Variants in WDR25 observed in about 807,000 individuals in gnomAD.
WDR25 encodes WD repeat-containing protein 25.
Under a neutral mutation model 47.7 loss-of-function variants are expected in WDR25, and 35 were observed. That is an observed-to-expected ratio of 0.73 (90% CI 0.56 to 0.97). The LOEUF (loss-of-function observed/expected upper bound fraction) is 0.97. WDR25 is among the 50% of genes least tolerant of loss of function. WDR25 has a pLI of 0.00. For missense variants in WDR25, 634 were observed against 704.7 expected (o/e 0.90, Z 1.14); for synonymous variants, 248 against 278.9 (o/e 0.89, Z 1.10).
chr14:100,398,860 T>G (rs1897315709), intron 2 of WDR25, among the ~76,000 whole-genome samples: 1 of 151,142 alleles, frequency 6.6e-6, no homozygotes, highest in Non-Finnish European at 1.5e-5. Context: ...CTGCACATCC[T>G]GGCTGATGTC....
rs1173336403 is a variant in WDR25, at chr14:100,529,536, G to T, written c.1414-284G>T. ...TCCTCACTGAGGCCAAGCCTTGCTGGGGTGGAAGGGGCTGGGTGCTTAGTG... is the reference window on the plus strand; with the variant it reads ...TCCTCACTGAGGCCAAGCCTTGCTGTGGTGGAAGGGGCTGGGTGCTTAGTG... On this transcript the variant is annotated intron_variant, in intron 6 of 6. Coordinates refer to ENST00000402312, the MANE Select transcript of WDR25 (RefSeq NM_001161476.3). This position sits in a 1 kb window ranked among gnomAD's most constrained non-coding sequence, Gnocchi z 5.1. 1 of 590,136 alleles carries T rather than the reference G, an allele frequency of 1.7e-6. No homozygotes were observed. Among genetic ancestry groups the T allele is most frequent in the Non-Finnish European group, 3.0e-6 (1 of 333,164 alleles). 36.6% of individuals were successfully genotyped at this position (590,136 alleles called of 1,614,324 possible). A position where few individuals can be genotyped will look rare whatever the true frequency, so the allele number is the denominator to read the frequency against.
In WDR25 at chr14:100,444,403, A is replaced by G. The variant is rs1467526657; in HGVS notation, c.823-23618A>G. On this transcript the variant is annotated intron_variant, in intron 2 of 6. Transcript: ENST00000402312. Reference sequence around the variant, plus strand: ...TGCTGCAGGGAACCGCAGGATGGACATCTCTAAAGCATATAGTGAAGGGTA... The same window carrying G: ...TGCTGCAGGGAACCGCAGGATGGACGTCTCTAAAGCATATAGTGAAGGGTA... Among the ~76,000 whole-genome samples, 6 of 152,334 alleles carry G rather than the reference A, an allele frequency of 3.9e-5. No homozygotes were observed. In the South Asian group the frequency reaches 1.2e-3, roughly 32 times the overall value.
In WDR25 at chr14:100,500,431, C is replaced by T. The variant is rs1900881418; in HGVS notation, c.1101+16307C>T. Among the ~76,000 whole-genome samples the T allele has an allele frequency of 6.6e-6, 1 of 152,108 alleles. No homozygotes were observed. Among genetic ancestry groups the T allele is most frequent in the African/African-American group, 2.4e-5 (1 of 41,426 alleles). ...GTGGAGAAGGAGGGGTGGGGATGGTCAGATGGAGGCATGCCGGGCACGGGG... is the reference window on the plus strand; with the variant it reads ...GTGGAGAAGGAGGGGTGGGGATGGTTAGATGGAGGCATGCCGGGCACGGGG... On this transcript the variant is annotated intron_variant, in intron 4 of 6. Transcript: ENST00000402312. The surrounding 1 kb of genome is among the most constrained non-coding windows in gnomAD (Gnocchi z 4.7).
chr14:100,393,081 G>A (rs1897179693), intron 2 of WDR25, among the ~76,000 whole-genome samples: 1 of 152,248 alleles, frequency 6.6e-6, no homozygotes, highest in African/African-American at 2.4e-5. Context: ...CCTTATCTAA[G>A]TGAATGTGAT....
rs139730965 is a variant in WDR25 at position 100,468,099 on chromosome 14, G to T, written c.901G>T (p.Ala301Ser). ...AGAGGCAGTGCGGGCCGCCCGGTGG[G>T]CTCCCTGTGGCCGGCGCATCCTCAG... ...HTEAVRAARW[A>S]PCGRRILSGG... The change falls in exon 3 of 7, where the codon GCT (alanine) becomes TCT (serine). Residue 301 changes from alanine (A) to serine (S), a missense_variant. Coordinates refer to ENST00000402312, the MANE Select transcript of WDR25 (RefSeq NM_001161476.3). The surrounding 1 kb of genome is among the most constrained non-coding windows in gnomAD (Gnocchi z 4.5). The T allele has an allele frequency of 1.2e-6, 2 of 1,613,416 alleles. No homozygotes were observed. Among genetic ancestry groups the T allele is most frequent in the East Asian group, 4.5e-5 (2 of 44,878 alleles).
chr14:100,508,972 C>G (rs539524149), intron 4 of WDR25, among the ~76,000 whole-genome samples: 175 of 152,098 alleles, frequency 1.2e-3, no homozygotes, highest in Admixed American at 3.5e-3. Context: ...GAGTTTAATT[C>G]AAGTTGCTAA....
chr14:100,390,391 C>CTGTGTGTGTGTGTG lies in WDR25; in HGVS notation c.822+8668_822+8681dup, dbSNP rs55802109. Among the ~76,000 whole-genome samples, 1,459 of 146,684 alleles carry CTGTGTGTGTGTGTG rather than the reference C, an allele frequency of 9.9e-3. 8 individuals are homozygous for CTGTGTGTGTGTGTG. Among genetic ancestry groups the CTGTGTGTGTGTGTG allele is most frequent in the Middle Eastern group, 0.021 (6 of 290 alleles). ...CCTAAAAAGCTGACCTGACCAAAAG[C>CTGTGTGTGTGTGTG]TGTGTGTGTGTGTGTGTGTGTGTGT... On this transcript the variant is annotated intron_variant, in intron 2 of 6. Transcript: ENST00000402312.
chr14:100,429,349 A>C (rs1898261010), intron 2 of WDR25, among the ~76,000 whole-genome samples: 1 of 152,226 alleles, frequency 6.6e-6, no homozygotes, highest in Non-Finnish European at 1.5e-5. Context: ...ACCTATAAGC[A>C]GGCATGCAGG....
At chr14:100,448,276 G>T (rs1898906903) in intron 2 of WDR25, among the ~76,000 whole-genome samples, 1 of 151,902 alleles carries the variant, frequency 6.6e-6, no homozygotes, top group South Asian at 2.1e-4. Context: ...TGTACATTCA[G>T]TAGGATCTCA....
chr14:100,467,018 T>C (rs34617498), intron 2 of WDR25, among the ~76,000 whole-genome samples: 87 of 152,254 alleles, frequency 5.7e-4, no homozygotes, highest in Non-Finnish European at 1.1e-3. Context: ...TTATACTTGA[T>C]ATCTTAGATC....
intron 2 of WDR25, among the ~76,000 whole-genome samples, chr14:100,419,064 C>A (rs534618737): frequency 4.0e-4 from 61 of 151,352 alleles, no homozygotes; most frequent in African/African-American, 1.4e-3. Flanking sequence ...ACTAAAAATA[C>A]AAAAAAAATT....
At chr14:100,447,612 A>C (rs953318744) in intron 2 of WDR25, among the ~76,000 whole-genome samples, 10 of 152,298 alleles carry the variant, frequency 6.6e-5, no homozygotes, top group African/African-American at 2.4e-4. Context: ...GTTTGGTGGC[A>C]CCAGACATGG....
intron 2 of WDR25, among the ~76,000 whole-genome samples, chr14:100,419,497 T>C (rs1013065548): frequency 4.6e-5 from 7 of 152,222 alleles, no homozygotes; most frequent in Admixed American, 1.3e-4. Flanking sequence ...GCATCTTTTC[T>C]TGTTGAGATG....
At position 100,506,239 on chromosome 14, in the gene WDR25, A is replaced by G. The variant is rs1409599699; in HGVS notation, c.1102-19631A>G. Among the ~76,000 whole-genome samples the G allele has an allele frequency of 2.6e-5, 4 of 152,214 alleles. No homozygotes were observed. Among genetic ancestry groups the G allele is most frequent in the Non-Finnish European group, 5.9e-5 (4 of 68,036 alleles). On this transcript the variant is annotated intron_variant, in intron 4 of 6. Coordinates refer to ENST00000402312, the MANE Select transcript of WDR25 (RefSeq NM_001161476.3). The surrounding 1 kb of genome is among the most constrained non-coding windows in gnomAD (Gnocchi z 4.8). Reference sequence around the variant, plus strand: ...CTTCATCCGTGTTGCTGCAAAGGACATGATTTCATCCTTTTTTATGGCTGC... The same window carrying G: ...CTTCATCCGTGTTGCTGCAAAGGACGTGATTTCATCCTTTTTTATGGCTGC...
rs961131698 is a variant in WDR25, at chr14:100,525,485, C to T, written c.1102-385C>T. Among the ~76,000 whole-genome samples the T allele has an allele frequency of 2.4e-4, 37 of 152,314 alleles. No individual in the cohort carries two copies. Among genetic ancestry groups the T allele is most frequent in the African/African-American group, 8.4e-4 (35 of 41,562 alleles). On this transcript the variant is annotated intron_variant, in intron 4 of 6. Coordinates refer to ENST00000402312, the MANE Select transcript of WDR25 (RefSeq NM_001161476.3). The surrounding 1 kb of genome is among the most constrained non-coding windows in gnomAD (Gnocchi z 4.6). ...ACTTTGCAAGCTGTGAATTATGTGA[C>T]GTCTTCAGAAGCAGGACCCACTCAA...
chr14:100,415,384 G>A (rs1392032660), intron 2 of WDR25, among the ~76,000 whole-genome samples: 2 of 152,248 alleles, frequency 1.3e-5, no homozygotes, highest in South Asian at 2.1e-4. Context: ...CATGCTGGTC[G>A]TATGTGCACA....
intron 2 of WDR25, among the ~76,000 whole-genome samples, chr14:100,433,886 A>T (rs1275864306): frequency 6.6e-6 from 1 of 152,270 alleles, no homozygotes; most frequent in Admixed American, 6.5e-5. Flanking sequence ...AGAATCAGCC[A>T]TCTCCAAGGA....
chr14:100,401,801 CTCTGCACGTGTCTTAGT>C (rs2140172568), intron 2 of WDR25, among the ~76,000 whole-genome samples: 1 of 152,324 alleles, frequency 6.6e-6, no homozygotes, highest in South Asian at 2.1e-4. Context: ...TCCTGGGTGG[CTCTGCACGTGTCTTAGT>C]TCTGCTCATT....
chr14:100,447,579 T>C (rs1898879855), intron 2 of WDR25, among the ~76,000 whole-genome samples: 1 of 152,164 alleles, frequency 6.6e-6, no homozygotes, highest in Non-Finnish European at 1.5e-5. Context: ...CTCAGCCAGC[T>C]GCCACCCAGA....
Sources: gnomAD v4.1 joint callset for allele counts (sites outside exome capture counted in the v4.1 genomes callset) on GRCh38, gnomAD v4.1.1 for gene constraint, Gnocchi (gnomAD v3.1) non-coding constraint, MANE v1.5 for transcripts, NCBI Gene and HGNC (gene_info 2026-07-23, HGNC 2026-07-21) for gene names.